The following MAP3K20 variants were observed in gnomAD, a reference collection of about 807,000 sequenced individuals.
MAP3K20 encodes the protein mitogen-activated protein kinase kinase kinase 20.
In MAP3K20, 40 loss-of-function variants were observed where a neutral mutation model predicts 85.7. The ratio of observed to expected loss-of-function variants is 0.47; its 90% confidence interval spans 0.36 to 0.61. MAP3K20 has a LOEUF of 0.61. Ranked by LOEUF, MAP3K20 falls within the 20% of genes least tolerant of loss-of-function variation. The pLI, the probability that MAP3K20 is intolerant of heterozygous loss-of-function variation, is 0.00. For synonymous variants in MAP3K20, 325 were observed against 327.7 expected (o/e 0.99, Z 0.09); for missense variants, 817 against 961.7 (o/e 0.85, Z 1.99).
intron 11 of MAP3K20, chr2:173,224,614 T>C (rs1419486118): frequency 1.0e-6 from 1 of 985,272 alleles, no homozygotes; most frequent in African/African-American, 1.7e-5. Flanking sequence ...TACAGCAGAA[T>C]TGGCCTCAGT....
chr2:173,258,926 C>G, intron 17 of MAP3K20, 111 bp downstream of exon 17: 1 of 596,200 alleles, frequency 1.7e-6, no homozygotes. Context: ...CACATCAGCT[C>G]AGCCTCGAGC....
At chr2:173,086,864 T>C (rs1264094930) in intron 1 of MAP3K20, among the ~76,000 whole-genome samples, 6 of 152,338 alleles carry the variant, frequency 3.9e-5, no homozygotes, top group South Asian at 2.1e-4. Flanking sequence ...TACTCCTCCT[T>C]CTTCCCTGAC....
intron 10 of MAP3K20, among the ~76,000 whole-genome samples, chr2:173,213,863 A>G (rs1392901407): frequency 6.6e-6 from 1 of 152,222 alleles, no homozygotes; most frequent in East Asian, 1.9e-4. Context: ...TAAACTGCTG[A>G]AAAGAATTAT....
chr2:173,126,774 T>C (rs1456654606), intron 2 of MAP3K20, among the ~76,000 whole-genome samples: 2 of 152,244 alleles, frequency 1.3e-5, no homozygotes, highest in Non-Finnish European at 2.9e-5. Context: ...TGCAGAATGC[T>C]CTTACAGACT....
intron 2 of MAP3K20, among the ~76,000 whole-genome samples, chr2:173,152,728 C>G (rs1382495878): frequency 6.6e-6 from 1 of 152,140 alleles, no homozygotes; most frequent in Non-Finnish European, 1.5e-5. Context: ...GAAATAGATA[C>G]AGCAAGCAAG....
chr2:173,108,139 T>A lies in MAP3K20; in HGVS notation c.159+16949T>A, dbSNP rs28419761. Among the ~76,000 whole-genome samples, 1,237 of 124,446 alleles carry A rather than the reference T, an allele frequency of 9.9e-3. 18 individuals carry two copies. Among genetic ancestry groups the A allele is most frequent in the African/African-American group, 0.029 (1,143 of 39,496 alleles). The allele number at this position is 124,446 out of a possible 152,430, so 81.6% of individuals were successfully genotyped here. A position where few individuals can be genotyped will look rare whatever the true frequency, so the allele number is the denominator to read the frequency against. ...GTTATAAACTGGGATTTTTATTTTT[T>A]TTTTTATTTTTTTTTGAGATGGAGT... On this transcript the variant is annotated intron_variant, in intron 2 of 19. Transcript: ENST00000375213.
intron 9 of MAP3K20, among the ~76,000 whole-genome samples, chr2:173,207,982 C>T (rs1432036694): frequency 6.6e-6 from 1 of 152,104 alleles, no homozygotes; most frequent in East Asian, 1.9e-4. Flanking sequence ...AAGAGTTTCA[C>T]CTTATTTTAA....
At chr2:173,090,501 C>G in intron 1 of MAP3K20, 3 of 442,410 alleles carry the variant, frequency 6.8e-6, no homozygotes, top group Non-Finnish European at 9.0e-6. Flanking sequence ...ATTGTGTGTT[C>G]AGTTTGCAGC....
chr2:173,264,444 G>A (rs769677618), intron 19 of MAP3K20, among the ~76,000 whole-genome samples: 9 of 151,984 alleles, frequency 5.9e-5, no homozygotes, highest in African/African-American at 1.9e-4. Context: ...ATATCACAAC[G>A]CCCAGAGGAA....
At chr2:173,203,436 A>G (rs951435812) in intron 8 of MAP3K20, among the ~76,000 whole-genome samples, 1 of 152,200 alleles carries the variant, frequency 6.6e-6, no homozygotes, top group Non-Finnish European at 1.5e-5. Flanking sequence ...GCCTATTTAC[A>G]TATATCGCAA....
chr2:173,176,864 AT>A (rs778066016), intron 3 of MAP3K20, among the ~76,000 whole-genome samples: 38 of 152,376 alleles, frequency 2.5e-4, no homozygotes, highest in Non-Finnish European at 4.1e-4. Context: ...AAGATATGCC[AT>A]GCAGACAGTA....
At chr2:173,223,750 G>C in intron 11 of MAP3K20, 2 of 985,386 alleles carry the variant, frequency 2.0e-6, no homozygotes, top group Non-Finnish European at 2.4e-6. Flanking sequence ...TAGTTTCTCT[G>C]TCTATTCACA....
rs199712204 is a variant in MAP3K20 at position 173,266,172 on chromosome 2, G to A, written c.1825G>A (p.Asp609Asn). 94 of 1,613,950 alleles carry A rather than the reference G, an allele frequency of 5.8e-5. No homozygotes were observed. Among genetic ancestry groups the A allele is most frequent in the Non-Finnish European group, 7.9e-5 (93 of 1,180,014 alleles). The change falls in exon 20 of 20, where the codon GAT (aspartate) becomes AAT (asparagine). Residue 609 changes from aspartate to asparagine, a missense_variant. This residue lies in a region of MAP3K20 where 454 missense variants were observed against 476.9 expected (regional missense o/e 0.95). Transcript: ENST00000375213. ...GTTCTTCTCACACTTTGATGGCCAGGATTCCTACGCTGCTGCTGTGAGACG... is the reference window on the plus strand; with the variant it reads ...GTTCTTCTCACACTTTGATGGCCAGAATTCCTACGCTGCTGCTGTGAGACG... ...SPFFSHFDGQ[D>N]SYAAAVRRPQ...
Position 173,091,085 on chromosome 2 carries a change from T to C in MAP3K20, c.54T>C (p.Phe18=). ...FVQIKFDDLQ[F]FENCGGGSFG... is the part of the protein sequence containing the mutation. Reference sequence around the variant, plus strand: ...AAATTAAATTTGATGACTTGCAGTTTTTTGAAAACTGCGGTGGAGGAAGTT... The same window carrying C: ...AAATTAAATTTGATGACTTGCAGTTCTTTGAAAACTGCGGTGGAGGAAGTT... Residue 18 remains phenylalanine (F), a synonymous_variant, in exon 2 of 20, where the codon TTT becomes TTC. Coordinates refer to ENST00000375213, the MANE Select transcript of MAP3K20 (RefSeq NM_016653.3). The C allele has an allele frequency of 6.2e-7, 1 of 1,614,086 alleles. No individual in the cohort carries two copies. The highest frequency in any genetic ancestry group is 8.5e-7 in the Non-Finnish European group (1 of 1,179,974).
chr2:173,247,051 G>A (rs1190422060), intron 16 of MAP3K20, among the ~76,000 whole-genome samples: 1 of 152,170 alleles, frequency 6.6e-6, no homozygotes, highest in Non-Finnish European at 1.5e-5. Flanking sequence ...TATCAATAGA[G>A]GACTTTCCTG....
intron 2 of MAP3K20, among the ~76,000 whole-genome samples, chr2:173,125,819 C>A (rs1314485566): frequency 6.6e-6 from 1 of 152,224 alleles, no homozygotes; most frequent in Non-Finnish European, 1.5e-5. Flanking sequence ...CCTGCCACCA[C>A]GCCCGGCTAA....
chr2:173,097,869 T>C (rs76593880), intron 2 of MAP3K20, among the ~76,000 whole-genome samples: 1,750 of 152,298 alleles, frequency 0.011, 21 homozygotes, highest in Middle Eastern at 0.024. Context: ...TAAAAAGCTT[T>C]TATTATACTC....
intron 1 of MAP3K20, among the ~76,000 whole-genome samples, chr2:173,081,333 C>T (rs1470770285): frequency 6.6e-6 from 1 of 151,984 alleles, no homozygotes; most frequent in Non-Finnish European, 1.5e-5. Context: ...GGCTTATTCC[C>T]CATAGTGTTA....
chr2:173,216,381 T>G (rs1684071550), intron 10 of MAP3K20, among the ~76,000 whole-genome samples: 1 of 152,158 alleles, frequency 6.6e-6, no homozygotes, highest in African/African-American at 2.4e-5. Flanking sequence ...TTTTCTACAC[T>G]TGCTTGATTG....
Sources: allele counts gnomAD v4.1 joint callset (sites outside exome capture counted in the v4.1 genomes callset), GRCh38; gene constraint gnomAD v4.1.1; regional missense constraint gnomAD v4.1.1; transcripts MANE v1.5; gene names NCBI Gene and HGNC (gene_info 2026-07-23, HGNC 2026-07-21).